Variants in ANKDD1B observed in about 807,000 individuals in gnomAD.
ANKDD1B encodes ankyrin repeat and death domain-containing protein 1B.
In ANKDD1B, 57 loss-of-function variants were observed where a neutral mutation model predicts 59.7. The ratio of observed to expected loss-of-function variants is 0.95; its 90% CI spans 0.77 to 1.19. The LOEUF (loss-of-function observed/expected upper bound fraction) is 1.19, where lower values mean the gene tolerates loss of function less well. Among genes scored for constraint, ANKDD1B ranks in the 50% most tolerant of loss-of-function variants. The pLI is 0.00. For missense variants in ANKDD1B, 602 were observed against 641.9 expected, an observed-to-expected ratio of 0.94 and a Z score of 0.67; for synonymous variants, 216 against 239.5, an observed-to-expected ratio of 0.90 and a Z score of 0.91.
At chr5:75,656,714 C>G (rs1335563432) in intron 9 of ANKDD1B, among the ~76,000 whole-genome samples, 1 of 151,834 alleles carries the variant, frequency 6.6e-6, no homozygotes, top group Non-Finnish European at 1.5e-5. Context: ...CTCTCTGGGG[C>G]TCTTCTGGGG....
chr5:75,642,255 G>T (rs144771973), intron 7 of ANKDD1B, among the ~76,000 whole-genome samples: 2,389 of 151,170 alleles, frequency 0.016, 47 homozygotes, highest in African/African-American at 0.054. Flanking sequence ...CAAGATGGCC[G>T]AATAGGAACA....
chr5:75,621,552 G>A (rs1773849451), intron 3 of ANKDD1B, among the ~76,000 whole-genome samples: 1 of 151,788 alleles, frequency 6.6e-6, no homozygotes, highest in Non-Finnish European at 1.5e-5. Context: ...ATTTGTTTTG[G>A]TGGCAGAGAC....
chr5:75,621,041 A>G (rs1773834429), intron 3 of ANKDD1B, among the ~76,000 whole-genome samples: 1 of 152,202 alleles, frequency 6.6e-6, no homozygotes, highest in African/African-American at 2.4e-5. Context: ...ACGCTGCTTT[A>G]TGACCGCAGT....
At position 75,663,477 on chromosome 5, in the gene ANKDD1B, C is replaced by T. The variant is rs1249267737; in HGVS notation, c.1179C>T (p.Tyr393=). Residue 393 remains tyrosine (Y), a synonymous_variant, in exon 11 of 14, where the codon TAC becomes TAT. Transcript: ENST00000601380. ...TGCTCATTAAAGCAGAGAGATACTA[C>T]GCCTGGAGAGAGGTAAGGAAGGACG... ...VGMLIKAERY[Y]AWREEHHESI... 7.8e-6 allele frequency: 12 copies of T among 1,536,166 alleles called. No individual in the cohort carries two copies. In the African/African-American group the frequency reaches 1.1e-4, roughly 14 times the overall value.
intron 3 of ANKDD1B, among the ~76,000 whole-genome samples, chr5:75,622,705 A>G (rs1195600141): frequency 6.6e-6 from 1 of 152,348 alleles, no homozygotes; most frequent in East Asian, 1.9e-4. Context: ...AGGACAGGTT[A>G]TCAGTGACTA....
At chr5:75,619,160 GGCCATGAATACAGGGTTCTCATGCTT>G (rs1773785782) in intron 2 of ANKDD1B, among the ~76,000 whole-genome samples, 1 of 152,194 alleles carries the variant, frequency 6.6e-6, no homozygotes, top group South Asian at 2.1e-4. Context: ...AGCTGGGGAA[GGCCATGAATACAGGGTTCTCATGCTT>G]GTATACCTGA....
At chr5:75,621,229 T>C (rs925323741) in intron 3 of ANKDD1B, among the ~76,000 whole-genome samples, 1 of 152,190 alleles carries the variant, frequency 6.6e-6, no homozygotes, top group Non-Finnish European at 1.5e-5. Flanking sequence ...CTCTGTTCTA[T>C]AGGAGCTCCC....
intron 7 of ANKDD1B, among the ~76,000 whole-genome samples, chr5:75,637,022 G>A (rs993503392): frequency 4.0e-5 from 6 of 151,764 alleles, no homozygotes; most frequent in African/African-American, 1.2e-4. Context: ...CGAGGTAGGC[G>A]GATCATCTGA....
chr5:75,626,210 C>G (rs546329249), intron 5 of ANKDD1B, among the ~76,000 whole-genome samples: 1 of 152,302 alleles, frequency 6.6e-6, no homozygotes, highest in Admixed American at 6.5e-5. Flanking sequence ...CTCCCTCATC[C>G]TGGCCAGAGT....
intron 11 of ANKDD1B, among the ~76,000 whole-genome samples, chr5:75,664,535 G>C (rs1425486154): frequency 6.6e-6 from 1 of 151,722 alleles, no homozygotes; most frequent in Non-Finnish European, 1.5e-5. Context: ...CTATCCTCAG[G>C]CTCAATTTCT....
intron 7 of ANKDD1B, among the ~76,000 whole-genome samples, chr5:75,650,393 A>G (rs1774797290): frequency 6.6e-6 from 1 of 152,206 alleles, no homozygotes. Context: ...CAAAGAACAT[A>G]GGAGGCTTCT....
At chr5:75,617,742 A>G (rs1773749463) in intron 2 of ANKDD1B, among the ~76,000 whole-genome samples, 1 of 152,184 alleles carries the variant, frequency 6.6e-6, no homozygotes, top group Admixed American at 6.5e-5. Context: ...ATCTGAAAAA[A>G]TGTAAGGCAT....
At chr5:75,667,152 T>G (rs1775332351) in intron 12 of ANKDD1B, among the ~76,000 whole-genome samples, 159 bp downstream of exon 12, 1 of 152,206 alleles carries the variant, frequency 6.6e-6, no homozygotes, top group African/African-American at 2.4e-5. Context: ...TCCACACCAG[T>G]GATTTGGGCA....
chr5:75,657,317 T>C (rs1040524981), intron 9 of ANKDD1B, among the ~76,000 whole-genome samples: 1 of 151,922 alleles, frequency 6.6e-6, no homozygotes, highest in Admixed American at 6.6e-5. Flanking sequence ...ACATAAAAAA[T>C]AGGAAATTTT....
chr5:75,638,495 C>T (rs1480560318), intron 7 of ANKDD1B, among the ~76,000 whole-genome samples: 1 of 152,098 alleles, frequency 6.6e-6, no homozygotes, highest in African/African-American at 2.4e-5. Flanking sequence ...GTAGCAAACC[C>T]ATATCAGTAA....
intron 3 of ANKDD1B, among the ~76,000 whole-genome samples, chr5:75,624,052 C>A (rs1773925235): frequency 6.6e-6 from 1 of 152,222 alleles, no homozygotes; most frequent in African/African-American, 2.4e-5. Context: ...GTACATCTAA[C>A]AAACAGTTTC....
intron 5 of ANKDD1B, among the ~76,000 whole-genome samples, chr5:75,629,050 T>A (rs2112970316): frequency 6.6e-6 from 1 of 152,258 alleles, no homozygotes; most frequent in Admixed American, 6.5e-5. Flanking sequence ...GTTTAAAGTC[T>A]CTGGAAGTCA....
intron 12 of ANKDD1B, among the ~76,000 whole-genome samples, chr5:75,667,406 A>T (rs1775339882): frequency 6.6e-6 from 1 of 152,190 alleles, no homozygotes; most frequent in Non-Finnish European, 1.5e-5. Flanking sequence ...TGTAATCAAT[A>T]GGCTCGCTGT....
At chr5:75,670,339 C>T (rs1445634132) in intron 13 of ANKDD1B, among the ~76,000 whole-genome samples, 1 of 152,158 alleles carries the variant, frequency 6.6e-6, no homozygotes, top group African/African-American at 2.4e-5. Flanking sequence ...TTTCCATTTA[C>T]AAAATATGGA....
Sources: gnomAD v4.1 joint callset for allele counts (sites outside exome capture counted in the v4.1 genomes callset) on GRCh38, gnomAD v4.1.1 for gene constraint, MANE v1.5 for transcripts, NCBI Gene and HGNC (gene_info 2026-07-23, HGNC 2026-07-21) for gene names.